SORCS3: variants seen among roughly 807,000 people sequenced by gnomAD.
SORCS3 encodes sortilin related VPS10 domain containing receptor 3.
Under a neutral mutation model 146.3 loss-of-function variants are expected in SORCS3, and 57 were observed. The observed-to-expected ratio is 0.39, with a 90% CI of 0.31 to 0.49. SORCS3 has a LOEUF of 0.49. SORCS3 is among the 20% of genes least tolerant of loss of function. The pLI is 0.92. For missense variants in SORCS3, 1,341 were observed against 1,575.5 expected, an observed-to-expected ratio of 0.85 and a Z score of 2.52; for synonymous variants, 653 against 618.5, an observed-to-expected ratio of 1.06 and a Z score of -0.83.
At chr10:105,190,524 G>A (rs2056509780) in intron 14 of SORCS3, among the ~76,000 whole-genome samples, 1 of 152,158 alleles carries the variant, frequency 6.6e-6, no homozygotes, top group African/African-American at 2.4e-5. Context: ...TTAGCCTCCT[G>A]AGTGGCTGGG....
chr10:104,973,922 C>G (rs1406207697), intron 3 of SORCS3, among the ~76,000 whole-genome samples: 1 of 151,884 alleles, frequency 6.6e-6, no homozygotes, highest in Non-Finnish European at 1.5e-5. Context: ...TTTCAAGGAA[C>G]ATCTTTATTT....
At chr10:104,962,115 G>A (rs1403693343) in intron 3 of SORCS3, among the ~76,000 whole-genome samples, 1 of 152,098 alleles carries the variant, frequency 6.6e-6, no homozygotes, top group East Asian at 1.9e-4. Context: ...TTGGAAGACC[G>A]AGATCATTCA....
intron 5 of SORCS3, among the ~76,000 whole-genome samples, chr10:105,067,459 G>A (rs937075102): frequency 4.6e-5 from 7 of 152,324 alleles, no homozygotes; most frequent in African/African-American, 1.4e-4. Context: ...CTCGGGAGGC[G>A]GAGGTTGCAG....
intron 14 of SORCS3, among the ~76,000 whole-genome samples, chr10:105,182,552 T>C (rs1477161345): frequency 6.6e-6 from 1 of 152,160 alleles, no homozygotes; most frequent in Non-Finnish European, 1.5e-5. Context: ...GAGTGCCTGC[T>C]ATGCTGCCAG....
rs1564674747 is a variant in SORCS3, at chr10:104,749,229, GTGTGT to G, written c.628-93562_628-93558del. On this transcript the variant is annotated intron_variant, in intron 1 of 26. Transcript: ENST00000369701. ...CCTTGTTCTGTGCAAAGTATAGGGT[GTGTGT>G]GTGTGTGTGTGTGTGTGTGTGTGTG... Among the ~76,000 whole-genome samples the G allele has an allele frequency of 7.9e-4, 49 of 62,110 alleles. No homozygotes were observed. In the African/African-American group the frequency reaches 8.1e-3, roughly 10 times the overall value. The allele number at this position is 62,110 out of a possible 152,430, so 40.7% of individuals were successfully genotyped here.
chr10:104,730,064 G>A (rs2016688343), intron 1 of SORCS3, among the ~76,000 whole-genome samples: 1 of 152,098 alleles, frequency 6.6e-6, no homozygotes. Flanking sequence ...ATTTCTTTTG[G>A]TTGTCCCTGC....
chr10:105,147,628 C>T lies in SORCS3; in HGVS notation c.1314C>T (p.Ile438=), dbSNP rs2056140426. The change falls in exon 9 of 27, where the codon ATC becomes ATT. Residue 438 remains isoleucine (I), a synonymous_variant. Coordinates refer to ENST00000369701, the MANE Select transcript of SORCS3 (RefSeq NM_014978.3). ...CCATCTTCTTTCAGGACATGCACAT[C>T]ATCAGTACAGACGAGAACCAAGTAT... The part of the protein sequence containing the change: ...PKYSLPKDMH[I]ISTDENQVFA... 6.2e-7 allele frequency: 1 copy of T among 1,610,908 alleles called. No individual in the cohort carries two copies. The highest frequency in any genetic ancestry group is 1.3e-5 in the African/African-American group (1 of 74,750).
intron 19 of SORCS3, 114 bp from the exon 20 acceptor site, chr10:105,223,002 C>T (rs2056712782): frequency 4.4e-6 from 5 of 1,141,158 alleles, no homozygotes; most frequent in Admixed American, 2.5e-5. Flanking sequence ...GTTTTGTGAC[C>T]CTTCCTTTTT....
At chr10:104,862,443 G>A (rs190645184) in intron 2 of SORCS3, among the ~76,000 whole-genome samples, 1 of 152,238 alleles carries the variant, frequency 6.6e-6, no homozygotes, top group East Asian at 1.9e-4. Flanking sequence ...AGCATTTTAA[G>A]CAGATAAGTG....
chr10:105,242,585 T>TATTTATATATATTTATATAC (rs2056836794), intron 20 of SORCS3, among the ~76,000 whole-genome samples: 2 of 97,968 alleles, frequency 2.0e-5, no homozygotes, highest in South Asian at 7.3e-4. Context: ...TATTTATATA[T>TATTTATATATATTTATATAC]ATTTATATAT....
chr10:104,760,126 G>T (rs1053073738), intron 1 of SORCS3, among the ~76,000 whole-genome samples: 1 of 152,166 alleles, frequency 6.6e-6, no homozygotes, highest in Admixed American at 6.5e-5. Flanking sequence ...ACCTGTCCTG[G>T]TGTGTTCAGG....
chr10:104,752,769 G>T (rs576606231), intron 1 of SORCS3, among the ~76,000 whole-genome samples: 1 of 152,106 alleles, frequency 6.6e-6, no homozygotes, highest in African/African-American at 2.4e-5. Context: ...GTCTGAGGAG[G>T]TATATAATAA....
At chr10:104,756,551 G>A (rs1382689011) in intron 1 of SORCS3, among the ~76,000 whole-genome samples, 1 of 152,204 alleles carries the variant, frequency 6.6e-6, no homozygotes, top group Non-Finnish European at 1.5e-5. Context: ...AGAGTTTGTA[G>A]GCAGGGTAAG....
At chr10:104,783,267 CT>C (rs2017395300) in intron 1 of SORCS3, among the ~76,000 whole-genome samples, 2 of 152,298 alleles carry the variant, frequency 1.3e-5, no homozygotes, top group South Asian at 4.1e-4. Flanking sequence ...ACTCCAAGTG[CT>C]TTTGCTGTTT....
At chr10:105,023,158 A>G (rs1032986358) in intron 4 of SORCS3, among the ~76,000 whole-genome samples, 1 of 152,166 alleles carries the variant, frequency 6.6e-6, no homozygotes, top group African/African-American at 2.4e-5. Context: ...AGATGGCACA[A>G]TTTTGGAGTT....
At chr10:105,172,151 G>A (rs1451096225) in intron 13 of SORCS3, among the ~76,000 whole-genome samples, 2 of 152,110 alleles carry the variant, frequency 1.3e-5, no homozygotes, top group African/African-American at 4.8e-5. Context: ...ACAGAGTTAC[G>A]TATGATTTTT....
chr10:104,904,928 C>T (rs868168277), intron 2 of SORCS3, among the ~76,000 whole-genome samples: 14 of 151,972 alleles, frequency 9.2e-5, no homozygotes, highest in Non-Finnish European at 1.2e-4. Context: ...TGGGTTCAGG[C>T]GCACACTGCC....
chr10:104,674,662 A>C (rs1233052836), intron 1 of SORCS3, among the ~76,000 whole-genome samples: 2 of 152,238 alleles, frequency 1.3e-5, no homozygotes, highest in African/African-American at 4.8e-5. Flanking sequence ...GACCCACAAA[A>C]ATTGTGAGAC....
Position 104,670,274 on chromosome 10 carries a change from C to A in SORCS3, c.627+28320C>A, listed in dbSNP as rs558316196. Among the ~76,000 whole-genome samples, 138 of 152,120 alleles carry A rather than the reference C, an allele frequency of 9.1e-4. 1 individual carries two copies. Among genetic ancestry groups the A allele is most frequent in the Admixed American group, 3.8e-3 (58 of 15,276 alleles). On this transcript the variant is annotated intron_variant, in intron 1 of 26. Transcript: ENST00000369701. ...GTTGGCTATGCCTTTGGTGTTGTAT[C>A]TAAGAAATCCAATGTAGTGAAACTT...
Sources: gnomAD v4.1 joint callset for allele counts (sites outside exome capture counted in the v4.1 genomes callset) on GRCh38, gnomAD v4.1.1 for gene constraint, MANE v1.5 for transcripts, NCBI Gene and HGNC (gene_info 2026-07-23, HGNC 2026-07-21) for gene names.